The following TUBB4A variants were observed in gnomAD, a reference collection of about 807,000 sequenced individuals.
TUBB4A encodes the protein tubulin beta 4A class IVa.
A neutral mutation model predicts 35.1 loss-of-function variants in TUBB4A; 13 were observed. That is an observed-to-expected ratio of 0.37 (90% CI 0.24 to 0.59). The LOEUF (loss-of-function observed/expected upper bound fraction) is 0.59, where lower values mean the gene tolerates loss of function less well. TUBB4A is among the 20% of genes least tolerant of loss of function. The pLI is 0.71. For missense variants in TUBB4A, 299 were observed against 647.2 expected (o/e 0.46, Z 5.84); for synonymous variants, 279 against 272.4 (o/e 1.02, Z -0.24).
In TUBB4A at chr19:6,494,989, G is replaced by A. The variant is rs1206951673; in HGVS notation, c.*175C>T. On this transcript the variant is annotated 3_prime_UTR_variant, in exon 4 of 4. Coordinates refer to ENST00000264071, the MANE Select transcript of TUBB4A (RefSeq NM_006087.4). ...TAAAGATAAATTAGGGCTCAAAGGG[G>A]AGCCAGGGTCGGAGATGAAGTAGCC... The A allele has an allele frequency of 1.2e-5, 9 of 742,358 alleles. No homozygotes were observed. Among genetic ancestry groups the A allele is most frequent in the East Asian group, 2.7e-5 (1 of 37,010 alleles). The allele number at this position is 742,358 out of a possible 1,614,324, so 46.0% of individuals were successfully genotyped here.
At chr19:6,496,425 C>A (rs8107114) in intron 3 of TUBB4A, 2 of 527,312 alleles carry the variant, frequency 3.8e-6, no homozygotes, top group East Asian at 3.4e-5. Flanking sequence ...GTCAGGAGAT[C>A]GAGACCATCC....
intron 1 of TUBB4A, 34 bp downstream of exon 1, chr19:6,502,122 G>A: frequency 1.3e-6 from 2 of 1,538,084 alleles, no homozygotes; most frequent in Admixed American, 1.9e-5. Context: ...CCCCGGGGCC[G>A]CCACTGCCTC....
intron 3 of TUBB4A, among the ~76,000 whole-genome samples, chr19:6,497,418 G>A (rs80205890): frequency 0.016 from 2,467 of 151,100 alleles, 67 homozygotes; most frequent in African/African-American, 0.057. Context: ...TATGCTACCA[G>A]ATCTGGCTAA....
chr19:6,502,406 A>C, upstream of TUBB4A: 1 of 587,562 alleles, frequency 1.7e-6, no homozygotes, highest in Non-Finnish European at 2.7e-6. Flanking sequence ...CCCCGGGATG[A>C]TGGAGGGGGC....
In TUBB4A at chr19:6,495,806, G is replaced by C; in HGVS notation, c.693C>G (p.Ala231=). 6.2e-7 allele frequency: 1 copy of C among 1,614,226 alleles called. No individual in the cohort carries two copies. The highest frequency in any genetic ancestry group is 8.5e-7 in the Non-Finnish European group (1 of 1,180,034). The change falls in exon 4 of 4, where the codon GCC becomes GCG. Residue 231 remains alanine, a synonymous_variant. Transcript: ENST00000264071. This position sits in a 1 kb window ranked among gnomAD's most constrained non-coding sequence, Gnocchi z 8.7. ...GGCAGGTGGTGACCCCGCTCATGGT[G>C]GCCGACACCAGGTGGTTGAGGTCCC... is the stretch of plus-strand genomic sequence containing the variant. The part of the protein sequence containing the change: ...TYGDLNHLVS[A]TMSGVTTCLR...
Position 6,495,725 on chromosome 19 carries a change from A to G in TUBB4A, c.774T>C (p.Val258=), listed in dbSNP as rs2071347. The change falls in exon 4 of 4, where the codon GTT becomes GTC. Residue 258 remains valine, a synonymous_variant. Transcript: ENST00000264071. The surrounding 1 kb of genome is among the most constrained non-coding windows in gnomAD (Gnocchi z 8.7). ...ADLRKLAVNM[V]PFPRLHFFMP... ...TGAAGAAGTGCAGGCGAGGAAAGGGAACCATGTTGACGGCCAGCTTGCGCA... is the reference window on the plus strand; with the variant it reads ...TGAAGAAGTGCAGGCGAGGAAAGGGGACCATGTTGACGGCCAGCTTGCGCA... 0.69 allele frequency: 1,118,068 copies of G among 1,613,922 alleles called. 390,001 individuals are homozygous for G. The highest frequency in any genetic ancestry group is 0.73 in the Admixed American group (43,937 of 60,000).
At position 6,495,197 on chromosome 19, in the gene TUBB4A, C is replaced by T; in HGVS notation, c.1302G>A (p.Glu434=). ...QYQDATAEEG[E]FEEEAEEEVA ...CCTCCTCCTCCGCCTCCTCCTCGAA[C>T]TCGCCCTCCTCGGCCGTGGCGTCCT... is the stretch of plus-strand genomic sequence containing the variant. The change falls in exon 4 of 4, where the codon GAG becomes GAA. Residue 434 remains glutamate, a synonymous_variant. Transcript: ENST00000264071. This position sits in a 1 kb window ranked among gnomAD's most constrained non-coding sequence, Gnocchi z 8.7. 6.2e-7 allele frequency: 1 copy of T among 1,613,976 alleles called. No individual in the cohort carries two copies. Among genetic ancestry groups the T allele is most frequent in the Non-Finnish European group, 8.5e-7 (1 of 1,179,890 alleles).
intron 3 of TUBB4A, among the ~76,000 whole-genome samples, chr19:6,497,893 C>T (rs1378914370): frequency 5.1e-5 from 3 of 58,328 alleles, no homozygotes; most frequent in African/African-American, 1.4e-4. Flanking sequence ...AGCAAGACTC[C>T]GTCTCAAAAA....
At chr19:6,497,434 G>C (rs2145251137) in intron 3 of TUBB4A, among the ~76,000 whole-genome samples, 1 of 150,762 alleles carries the variant, frequency 6.6e-6, no homozygotes, top group East Asian at 2.0e-4. Context: ...GCTAATTTTT[G>C]TATCTTTTTT....
rs1260426981 is a variant in TUBB4A at position 6,502,267 on chromosome 19, G to A, written c.-55C>T. On this transcript the variant is annotated 5_prime_UTR_variant, in exon 1 of 4. Coordinates refer to ENST00000264071, the MANE Select transcript of TUBB4A (RefSeq NM_006087.4). Reference sequence around the variant, plus strand: ...CGGTGGCACGAGCGCGGGGAGCTGCGGCGGCGGCGAGGGTGGAAGATGCGG... The same window carrying A: ...CGGTGGCACGAGCGCGGGGAGCTGCAGCGGCGGCGAGGGTGGAAGATGCGG... 3 of 1,465,358 alleles carry A rather than the reference G, an allele frequency of 2.0e-6. No individual in the cohort carries two copies. The East Asian group carries it at 8.4e-5, about 41-fold the overall frequency. 90.8% of individuals were successfully genotyped at this position (1,465,358 alleles called of 1,614,324 possible).
chr19:6,499,280 T>G (rs1386827155), intron 3 of TUBB4A, among the ~76,000 whole-genome samples: 1 of 149,948 alleles, frequency 6.7e-6, no homozygotes, highest in Non-Finnish European at 1.5e-5. Flanking sequence ...CACTCCAGCC[T>G]GGGCAACGGA....
chr19:6,501,629 G>A lies in TUBB4A; in HGVS notation c.58-6C>T, dbSNP rs376509660. 2 of 1,612,180 alleles carry A rather than the reference G, an allele frequency of 1.2e-6. No individual in the cohort carries two copies. Among genetic ancestry groups the A allele is most frequent in the Non-Finnish European group, 1.7e-6 (2 of 1,178,656 alleles). On this transcript the variant is annotated splice_region_variant and splice_polypyrimidine_tract_variant and intron_variant, in intron 1 of 3. Transcript: ENST00000264071. This position sits in a 1 kb window ranked among gnomAD's most constrained non-coding sequence, Gnocchi z 4.2. ...TCACTGATAACCTCCCAAAACTAGA[G>A]AGAGAGGTGGTCGGAAGAGTTGAGA...
At chr19:6,502,128 G>T (rs1256673719) in intron 1 of TUBB4A, 28 bp downstream of exon 1, 4 of 1,545,556 alleles carry the variant, frequency 2.6e-6, no homozygotes, top group Non-Finnish European at 3.5e-6. Context: ...GGCCGCCACT[G>T]CCTCCCCGGG....
chr19:6,497,453 G>A (rs1914302674), intron 3 of TUBB4A, among the ~76,000 whole-genome samples: 3 of 151,316 alleles, frequency 2.0e-5, no homozygotes, highest in Non-Finnish European at 2.9e-5. Flanking sequence ...TTTTGTAGAG[G>A]TGGGGTTTCG....
Position 6,499,798 on chromosome 19 carries a change from A to G in TUBB4A, c.277+1489T>C, listed in dbSNP as rs533377442. On this transcript the variant is annotated intron_variant, in intron 3 of 3. Transcript: ENST00000264071. The stretch of plus-strand genomic sequence containing the variant: ...CATATTCATGACTTTAAGCTTCACA[A>G]TTTTTTTTTTTTTTTGGAGACGAAG... 2.8e-5 allele frequency among the ~76,000 whole-genome samples: 4 copies of G among 143,778 alleles called. No homozygotes were observed. The South Asian group carries it at 6.7e-4, about 24-fold the overall frequency. 94.3% of individuals were successfully genotyped at this position (143,778 alleles called of 152,430 possible). A position where few individuals can be genotyped will look rare whatever the true frequency, so the allele number is the denominator to read the frequency against.
chr19:6,497,715 C>T (rs1466925832), intron 3 of TUBB4A, among the ~76,000 whole-genome samples: 1 of 151,024 alleles, frequency 6.6e-6, no homozygotes, highest in Non-Finnish European at 1.5e-5. Flanking sequence ...GGGCAGATTG[C>T]GAGGTTAGGA....
In TUBB4A at chr19:6,495,686, T is replaced by C. The variant is rs780578828; in HGVS notation, c.813A>G (p.Ala271=). The C allele has an allele frequency of 6.2e-7, 1 of 1,613,822 alleles. No individual in the cohort carries two copies. ...GCTGGCTGCCCCGGCTGGTCAGGGG[T>C]GCGAAGCCGGGCATGAAGAAGTGCA... ...PRLHFFMPGF[A]PLTSRGSQQY... The change falls in exon 4 of 4, where the codon GCA becomes GCG. Residue 271 remains alanine (A), a synonymous_variant. Transcript: ENST00000264071. This position sits in a 1 kb window ranked among gnomAD's most constrained non-coding sequence, Gnocchi z 8.7.
rs1599404802 is a variant in TUBB4A at position 6,494,863 on chromosome 19, T to C, written c.*301A>G. The C allele has an allele frequency of 6.1e-6, 3 of 492,074 alleles. No individual in the cohort carries two copies. In the South Asian group the frequency reaches 7.3e-5, roughly 12 times the overall value. The allele number at this position is 492,074 out of a possible 1,614,324, so 30.5% of individuals were successfully genotyped here. On this transcript the variant is annotated 3_prime_UTR_variant, in exon 4 of 4. Coordinates refer to ENST00000264071, the MANE Select transcript of TUBB4A (RefSeq NM_006087.4). ...TCAAAGGTGAAGCAGAAGTCAGGGG[T>C]GAAGGAAGGTCTGCAAAGTTAAAGG... is the stretch of plus-strand genomic sequence containing the variant.
chr19:6,501,433 G>C lies in TUBB4A; in HGVS notation c.167-36C>G. The C allele has an allele frequency of 6.2e-7, 1 of 1,605,380 alleles. No homozygotes were observed. The highest frequency in any genetic ancestry group is 8.5e-7 in the Non-Finnish European group (1 of 1,173,464). On this transcript the variant is annotated intron_variant, in intron 2 of 3. Transcript: ENST00000264071. This position sits in a 1 kb window ranked among gnomAD's most constrained non-coding sequence, Gnocchi z 4.2. ...ACAGATGGAGGGCAGTTCGATGCGT[G>C]CCAGGAACCACAGGCGCCCGGTAGC...
Sources: allele counts gnomAD v4.1 joint callset (sites outside exome capture counted in the v4.1 genomes callset), GRCh38; gene constraint gnomAD v4.1.1; non-coding constraint Gnocchi (gnomAD v3.1); transcripts MANE v1.5; gene names NCBI Gene and HGNC (gene_info 2026-07-23, HGNC 2026-07-21).